WWP2: variants seen among roughly 807,000 people sequenced by gnomAD.
WWP2 encodes WW domain containing E3 ubiquitin protein ligase 2.
A neutral mutation model predicts 121.0 loss-of-function variants in WWP2; 57 were observed. That is an observed-to-expected ratio of 0.47 (90% CI 0.38 to 0.59). The LOEUF is 0.59. WWP2 is among the 20% of genes least tolerant of loss of function. The pLI, the probability that WWP2 is intolerant of heterozygous loss-of-function variation, is 0.00. For synonymous variants in WWP2, 449 were observed against 441.3 expected (o/e 1.02, Z -0.22); for missense variants, 962 against 1,158.9 (o/e 0.83, Z 2.47).
intron 2 of WWP2, among the ~76,000 whole-genome samples, chr16:69,794,640 C>A (rs1480747267): frequency 6.6e-6 from 1 of 152,190 alleles, no homozygotes; most frequent in African/African-American, 2.4e-5. Context: ...CAACTATGTC[C>A]GATTTCTCTG....
At chr16:69,870,920 C>T (rs953572161) in intron 6 of WWP2, among the ~76,000 whole-genome samples, 1 of 152,148 alleles carries the variant, frequency 6.6e-6, no homozygotes, top group African/African-American at 2.4e-5. Flanking sequence ...TGCTAAATTC[C>T]ACACTTTTCT....
chr16:69,835,459 G>A (rs1375863085), intron 4 of WWP2, among the ~76,000 whole-genome samples: 4 of 151,968 alleles, frequency 2.6e-5, no homozygotes, highest in African/African-American at 9.7e-5. Context: ...AAATAACCTT[G>A]CCAATTTAAA....
At chr16:69,902,733 A>C (rs74029749) in intron 8 of WWP2, among the ~76,000 whole-genome samples, 5,503 of 152,222 alleles carry the variant, frequency 0.036, 327 homozygotes, top group African/African-American at 0.12. Context: ...AATTGATACC[A>C]GTGTCACTTT....
rs550485918 is a variant in WWP2, at chr16:69,920,388, G to A, written c.1179+2505G>A. Among the ~76,000 whole-genome samples the A allele has an allele frequency of 3.3e-5, 5 of 152,230 alleles. No individual in the cohort carries two copies. The South Asian group carries it at 1.0e-3, about 32-fold the overall frequency. On this transcript the variant is annotated intron_variant, in intron 10 of 23. Coordinates refer to ENST00000359154, the MANE Select transcript of WWP2 (RefSeq NM_001270454.2). ...CACACATGCCTGACATCCAATTCTG[G>A]CATGTTTCAGAATTGGATGGAATCT...
intron 6 of WWP2, among the ~76,000 whole-genome samples, chr16:69,859,093 A>G (rs913782490): frequency 2.6e-5 from 4 of 152,222 alleles, no homozygotes; most frequent in African/African-American, 9.6e-5. Context: ...ACAAATCACC[A>G]CAAACTCAGG....
chr16:69,917,988 G>T lies in WWP2; in HGVS notation c.1179+105G>T. 2.9e-6 allele frequency: 4 copies of T among 1,380,114 alleles called. No individual in the cohort carries two copies. In the South Asian group the frequency reaches 5.8e-5, roughly 20 times the overall value. The allele number at this position is 1,380,114 out of a possible 1,614,324, so 85.5% of individuals were successfully genotyped here. A position where few individuals can be genotyped will look rare whatever the true frequency, so the allele number is the denominator to read the frequency against. ...CTGCTTAGTGAGCAGGGAAAACAGCGTCTGGCAACGTCAGTGCTCTGCCCC... is the reference window on the plus strand; with the variant it reads ...CTGCTTAGTGAGCAGGGAAAACAGCTTCTGGCAACGTCAGTGCTCTGCCCC... On this transcript the variant is annotated intron_variant, in intron 10 of 23. Transcript: ENST00000359154.
chr16:69,764,179 T>G (rs985513401), intron 1 of WWP2, among the ~76,000 whole-genome samples: 1 of 152,190 alleles, frequency 6.6e-6, no homozygotes, highest in Non-Finnish European at 1.5e-5. Context: ...TCTTTTTCAT[T>G]TATTGACACA....
In WWP2 at chr16:69,899,081, G is replaced by A. The variant is rs567253174; in HGVS notation, c.915-9680G>A. On this transcript the variant is annotated intron_variant, in intron 8 of 23. Transcript: ENST00000359154. ...CATTGCAAATATTTGCTCCCAGTCTGTGGCTTGTCTTTTCAATTTGCTTAT... is the reference window on the plus strand; with the variant it reads ...CATTGCAAATATTTGCTCCCAGTCTATGGCTTGTCTTTTCAATTTGCTTAT... 3.3e-5 allele frequency among the ~76,000 whole-genome samples: 5 copies of A among 152,334 alleles called. No homozygotes were observed. The South Asian group carries it at 1.0e-3, about 32-fold the overall frequency.
intron 1 of WWP2, among the ~76,000 whole-genome samples, chr16:69,778,247 A>G (rs2055583818): frequency 6.9e-6 from 1 of 145,866 alleles, no homozygotes; most frequent in Non-Finnish European, 1.5e-5. Flanking sequence ...AAAGGGGGAC[A>G]TTTTGACTTT....
intron 2 of WWP2, among the ~76,000 whole-genome samples, chr16:69,794,418 A>G (rs972373805): frequency 6.6e-6 from 1 of 152,134 alleles, no homozygotes; most frequent in Admixed American, 6.6e-5. Flanking sequence ...AGTCCCAGCT[A>G]CTTGAGAGGC....
At chr16:69,908,247 T>TA (rs2058325833) in intron 8 of WWP2, among the ~76,000 whole-genome samples, 1 of 151,966 alleles carries the variant, frequency 6.6e-6, no homozygotes, top group Non-Finnish European at 1.5e-5. Context: ...CCTGTTTCAT[T>TA]AAAAAATAAA....
intron 7 of WWP2, among the ~76,000 whole-genome samples, chr16:69,882,956 C>A (rs796133455): frequency 2.0e-5 from 3 of 152,100 alleles, no homozygotes; most frequent in African/African-American, 7.2e-5. Context: ...AGTTCCAGAC[C>A]AGCCTGGCCA....
At chr16:69,923,383 T>G (rs2058592887) in intron 10 of WWP2, among the ~76,000 whole-genome samples, 1 of 150,626 alleles carries the variant, frequency 6.6e-6, no homozygotes, top group African/African-American at 2.4e-5. Flanking sequence ...TTAAAAACCC[T>G]TTAACGAAAG....
intron 4 of WWP2, among the ~76,000 whole-genome samples, chr16:69,804,188 C>T: frequency 6.6e-6 from 1 of 152,024 alleles, no homozygotes; most frequent in East Asian, 1.9e-4. Flanking sequence ...TTCTGTAGTC[C>T]AATCTGTCAC....
At chr16:69,930,080 G>C in intron 12 of WWP2, 50 bp from the exon 13 acceptor site, 1 of 1,610,882 alleles carries the variant, frequency 6.2e-7, no homozygotes, top group Admixed American at 1.7e-5. Context: ...CAACCACCAA[G>C]GTCCAGAAGG....
Position 69,940,123 on chromosome 16 carries a change from C to G in WWP2, c.*183C>G. On this transcript the variant is annotated 3_prime_UTR_variant, in exon 24 of 24. Coordinates refer to ENST00000359154, the MANE Select transcript of WWP2 (RefSeq NM_001270454.2). ...AGGAGGCCCTGCAGTTCCCCCGACC[C>G]GCGGATGGCAGTCTGGAATAAAGCC... 1.7e-6 allele frequency: 1 copy of G among 595,702 alleles called. No homozygotes were observed. 36.9% of individuals were successfully genotyped at this position (595,702 alleles called of 1,614,324 possible). A position where few individuals can be genotyped will look rare whatever the true frequency, so the allele number is the denominator to read the frequency against.
At chr16:69,824,124 G>A (rs1305865827) in intron 4 of WWP2, among the ~76,000 whole-genome samples, 5 of 152,212 alleles carry the variant, frequency 3.3e-5, no homozygotes, top group East Asian at 1.9e-4. Context: ...TCATTCGGGC[G>A]GCTTCCGCCT....
chr16:69,851,008 A>ATT (rs35175050), intron 6 of WWP2, among the ~76,000 whole-genome samples: 145 of 109,560 alleles, frequency 1.3e-3, no homozygotes, highest in East Asian at 5.8e-3. Flanking sequence ...TCACTCTTTA[A>ATT]TTTTTTTTTT....
chr16:69,871,674 C>A, intron 6 of WWP2, 130 bp from the exon 7 acceptor site: 1 of 1,363,946 alleles, frequency 7.3e-7, no homozygotes, highest in Non-Finnish European at 1.0e-6. Flanking sequence ...TAGTCCAAAA[C>A]TAGAGGGGCT....
Sources: allele counts gnomAD v4.1 joint callset (sites outside exome capture counted in the v4.1 genomes callset), GRCh38; gene constraint gnomAD v4.1.1; transcripts MANE v1.5; gene names NCBI Gene and HGNC (gene_info 2026-07-23, HGNC 2026-07-21).